The following ADRA1A variants were observed in gnomAD, a reference collection of about 807,000 sequenced individuals.
ADRA1A encodes the protein alpha-1A adrenergic receptor.
In ADRA1A, 31 loss-of-function variants were observed where a neutral mutation model predicts 29.6. The observed-to-expected ratio is 1.05, with a 90% confidence interval of 0.79 to 1.41. The LOEUF is 1.41. Ranked by LOEUF, ADRA1A falls within the 40% of genes most tolerant of loss-of-function variation. ADRA1A has a pLI of 0.00. For missense variants in ADRA1A, 619 were observed against 601.1 expected (o/e 1.03, Z -0.31); for synonymous variants, 311 against 254.3 (o/e 1.22, Z -2.12).
rs1034454811 is a variant in ADRA1A at position 26,806,607 on chromosome 8, G to A, written c.884-35941C>T. Among the ~76,000 whole-genome samples the A allele has an allele frequency of 2.6e-5, 4 of 152,138 alleles. No individual in the cohort carries two copies. Among genetic ancestry groups the A allele is most frequent in the African/African-American group, 9.7e-5 (4 of 41,436 alleles). The stretch of plus-strand genomic sequence containing the variant: ...GTGGGAAGATGTCATGCCTCACACT[G>A]GGGAGTAAATGAAATGGCCTATAGC... On this transcript the variant is annotated intron_variant, in intron 2 of 2. Coordinates refer to ENST00000380573, the MANE Select transcript of ADRA1A (RefSeq NM_000680.4). This position sits in a 1 kb window ranked among gnomAD's most constrained non-coding sequence, Gnocchi z 4.6.
chr8:26,817,697 G>T (rs758119226), intron 2 of ADRA1A, among the ~76,000 whole-genome samples: 4 of 152,292 alleles, frequency 2.6e-5, no homozygotes, highest in Non-Finnish European at 4.4e-5. Flanking sequence ...AGGATTGATT[G>T]AGCCTGGGAG....
chr8:26,839,055 T>C (rs1431675441), intron 2 of ADRA1A, among the ~76,000 whole-genome samples: 1 of 152,186 alleles, frequency 6.6e-6, no homozygotes, highest in Non-Finnish European at 1.5e-5. Flanking sequence ...TGCAAGCAAA[T>C]TTGTGTATTT....
Position 26,866,655 on chromosome 8 carries a change from G to A in ADRA1A, c.-687+281C>T, listed in dbSNP as rs61757018. ...GCAAAGACTCTTGTTAAAATCGCAA[G>A]TTGGAGACCTCACAGGTGGTATTAA... On this transcript the variant is annotated intron_variant, in intron 1 of 2. Transcript: ENST00000380573. The surrounding 1 kb of genome is among the most constrained non-coding windows in gnomAD (Gnocchi z 5.7). 5.1e-4 allele frequency among the ~76,000 whole-genome samples: 77 copies of A among 152,200 alleles called. No individual in the cohort carries two copies. The highest frequency in any genetic ancestry group is 9.6e-4 in the Non-Finnish European group (65 of 68,036).
At chr8:26,840,182 CAGTT>C (rs1457383721) in intron 2 of ADRA1A, among the ~76,000 whole-genome samples, 2 of 152,178 alleles carry the variant, frequency 1.3e-5, no homozygotes, top group Non-Finnish European at 2.9e-5. Flanking sequence ...CCAATGGACA[CAGTT>C]AGACATATAC....
intron 2 of ADRA1A, among the ~76,000 whole-genome samples, chr8:26,837,808 T>C (rs199994145): frequency 0.022 from 2,366 of 105,326 alleles, 33 homozygotes; most frequent in Non-Finnish European, 0.035. Context: ...TGAGCTGACA[T>C]GTTTGGAGAA....
chr8:26,775,211 C>CTGAA lies in ADRA1A; in HGVS notation c.884-4549_884-4546dup, dbSNP rs1806459329. 6.6e-6 allele frequency among the ~76,000 whole-genome samples: 1 copy of CTGAA among 152,146 alleles called. No individual in the cohort carries two copies. On this transcript the variant is annotated intron_variant, in intron 2 of 2. Transcript: ENST00000380573. This position sits in a 1 kb window ranked among gnomAD's most constrained non-coding sequence, Gnocchi z 4.1. ...TCTGACAGACGGATGGACTGACTGA[C>CTGAA]TGAATGAATGAATGGCTGTGTCTCT...
intron 2 of ADRA1A, among the ~76,000 whole-genome samples, chr8:26,774,909 T>C (rs1351222329): frequency 6.6e-6 from 1 of 152,174 alleles, no homozygotes; most frequent in African/African-American, 2.4e-5. Flanking sequence ...GCCTCCATTC[T>C]TCCCAAATCT....
rs1054916637 is a variant in ADRA1A, at chr8:26,841,392, A to C, written c.883+22695T>G. On this transcript the variant is annotated intron_variant, in intron 2 of 2. Coordinates refer to ENST00000380573, the MANE Select transcript of ADRA1A (RefSeq NM_000680.4). The surrounding 1 kb of genome is among the most constrained non-coding windows in gnomAD (Gnocchi z 4.4). ...ACCCCACCCTTGCACCTCCTTTCTTACTCCCTTCTAACTGTGAAGGCATCG... is the reference window on the plus strand; with the variant it reads ...ACCCCACCCTTGCACCTCCTTTCTTCCTCCCTTCTAACTGTGAAGGCATCG... 1.3e-5 allele frequency among the ~76,000 whole-genome samples: 2 copies of C among 151,746 alleles called. No individual in the cohort carries two copies.
intron 2 of ADRA1A, among the ~76,000 whole-genome samples, chr8:26,772,883 A>ACATC (rs79239280): frequency 6.6e-6 from 1 of 151,610 alleles, no homozygotes; most frequent in Non-Finnish European, 1.5e-5. Flanking sequence ...ACACACACAC[A>ACATC]ATGGGTGTTT....
Position 26,815,865 on chromosome 8 carries a change from CT to C in ADRA1A, c.884-45200del, listed in dbSNP as rs1213667497. Among the ~76,000 whole-genome samples, 1 of 152,124 alleles carries C rather than the reference CT, an allele frequency of 6.6e-6. No homozygotes were observed. Among genetic ancestry groups the C allele is most frequent in the Non-Finnish European group, 1.5e-5 (1 of 68,030 alleles). Reference sequence around the variant, plus strand: ...GGCAGTGAGTGATTAAGTGCTAATGCTTCTCTGGAGAGGTTCCAGGGCAGAA... The same window carrying C: ...GGCAGTGAGTGATTAAGTGCTAATGCTCTCTGGAGAGGTTCCAGGGCAGAA... On this transcript the variant is annotated intron_variant, in intron 2 of 2. Coordinates refer to ENST00000380573, the MANE Select transcript of ADRA1A (RefSeq NM_000680.4). This position sits in a 1 kb window ranked among gnomAD's most constrained non-coding sequence, Gnocchi z 4.2.
chr8:26,861,303 GTTT>G (rs35538353), intron 2 of ADRA1A, among the ~76,000 whole-genome samples: 27,577 of 119,760 alleles, frequency 0.23, 2,696 homozygotes, highest in Admixed American at 0.34. Flanking sequence ...CAGAGGCTCT[GTTT>G]TTTTTTTTTT....
Position 26,770,245 on chromosome 8 carries a change from A to G in ADRA1A, c.1305T>C (p.Cys435=), listed in dbSNP as rs1806035620. The part of the protein sequence containing the change: ...RSKSFLQVCC[C]VGPSTPSLDK... ...CAAGGCTGGGGGTTGAGGGCCCTAC[A>G]CAGCAGCAGACCTGCAAAAAGCTTT... The change falls in exon 3 of 3, where the codon TGT becomes TGC. Residue 435 remains cysteine, a synonymous_variant. Coordinates refer to ENST00000380573, the MANE Select transcript of ADRA1A (RefSeq NM_000680.4). 6.2e-7 allele frequency: 1 copy of G among 1,613,566 alleles called. No homozygotes were observed. The highest frequency in any genetic ancestry group is 8.5e-7 in the Non-Finnish European group (1 of 1,179,642).
At chr8:26,859,787 TAGAC>T (rs2130782899) in intron 2 of ADRA1A, among the ~76,000 whole-genome samples, 1 of 148,446 alleles carries the variant, frequency 6.7e-6, no homozygotes, top group East Asian at 1.9e-4. Flanking sequence ...TTTTTTTTTT[TAGAC>T]AGAATCTCGC....
intron 2 of ADRA1A, among the ~76,000 whole-genome samples, chr8:26,843,290 A>G (rs979692585): frequency 6.6e-6 from 1 of 152,212 alleles, no homozygotes; most frequent in Non-Finnish European, 1.5e-5. Context: ...GTGCAGGATA[A>G]GAACTGGATG....
At chr8:26,849,626 T>C (rs1330249895) in intron 2 of ADRA1A, among the ~76,000 whole-genome samples, 1 of 152,204 alleles carries the variant, frequency 6.6e-6, no homozygotes, top group Non-Finnish European at 1.5e-5. Flanking sequence ...AAGAGGAACC[T>C]ACCCAGTTTC....
intron 2 of ADRA1A, chr8:26,779,059 T>C (rs1806761912): frequency 2.9e-6 from 1 of 346,158 alleles, no homozygotes; most frequent in East Asian, 4.8e-5. Flanking sequence ...GAATGGCTTA[T>C]TTATTTCACG....
Position 26,757,892 on chromosome 8 carries a change from A to G in ADRA1A, c.1270-1113T>C, listed in dbSNP as rs1805281024. Among the ~76,000 whole-genome samples, 3 of 147,664 alleles carry G rather than the reference A, an allele frequency of 2.0e-5. No individual in the cohort carries two copies. The South Asian group carries it at 6.5e-4, about 32-fold the overall frequency. ...ACAGGCAGACACTCACACCTTTTCT[A>G]TAATGACTGCATTTTATGTAGCATC... On this transcript the variant is annotated intron_variant, in intron 2 of 2. Coordinates refer to the ADRA1A transcript ENST00000380582.
At chr8:26,862,643 T>C (rs1261564450) in intron 2 of ADRA1A, among the ~76,000 whole-genome samples, 1 of 152,144 alleles carries the variant, frequency 6.6e-6, no homozygotes, top group Non-Finnish European at 1.5e-5. Flanking sequence ...TAAGTAATAA[T>C]GATGGGCAGG....
chr8:26,864,543 C>A lies in ADRA1A; in HGVS notation c.427G>T (p.Gly143Cys). The A allele has an allele frequency of 6.2e-7, 1 of 1,614,086 alleles. No homozygotes were observed. Among genetic ancestry groups the A allele is most frequent in the Non-Finnish European group, 8.5e-7 (1 of 1,180,024 alleles). ...CAGACGCAGAGCAGAGCCATGAGACCCCTCCTCTGGGTGACGATGGTTGGG... is the reference window on the plus strand; with the variant it reads ...CAGACGCAGAGCAGAGCCATGAGACACCTCCTCTGGGTGACGATGGTTGGG... ...RYPTIVTQRR[G>C]LMALLCVWAL... Residue 143 changes from glycine (G) to cysteine (C), a missense_variant, in exon 2 of 3, where the codon GGT (glycine) becomes TGT (cysteine). By Grantham distance (159) the Gly-to-Cys change is radical. Transcript: ENST00000380573. This position sits in a 1 kb window ranked among gnomAD's most constrained non-coding sequence, Gnocchi z 8.1.
Sources: allele counts gnomAD v4.1 joint callset (sites outside exome capture counted in the v4.1 genomes callset), GRCh38; gene constraint gnomAD v4.1.1; non-coding constraint Gnocchi (gnomAD v3.1); transcripts MANE v1.5; gene names NCBI Gene and HGNC (gene_info 2026-07-23, HGNC 2026-07-21).